PAX2: variants seen among roughly 807,000 people sequenced by gnomAD.
PAX2 encodes the protein paired box 2.
A neutral mutation model predicts 41.7 loss-of-function variants in PAX2; 9 were observed. That is an observed-to-expected ratio of 0.22 (90% CI 0.13 to 0.38). The LOEUF (loss-of-function observed/expected upper bound fraction) is 0.38. Among genes scored for constraint, PAX2 ranks in the 10% least tolerant of loss-of-function variants. PAX2 has a pLI of 1.00. For synonymous variants in PAX2, 221 were observed against 212.7 expected, an observed-to-expected ratio of 1.04 and a Z score of -0.34; for missense variants, 418 against 531.6, an observed-to-expected ratio of 0.79 and a Z score of 2.10.
At chr10:100,779,169 T>A (rs1206464790) in intron 3 of PAX2, among the ~76,000 whole-genome samples, 1 of 152,188 alleles carries the variant, frequency 6.6e-6, no homozygotes, top group Non-Finnish European at 1.5e-5. Context: ...AGGGCAGTCC[T>A]CACCCTGCAG....
At chr10:100,789,703 G>T (rs965027652) in intron 5 of PAX2, among the ~76,000 whole-genome samples, 7 of 151,752 alleles carry the variant, frequency 4.6e-5, no homozygotes, top group Non-Finnish European at 8.8e-5. Context: ...AACACAGGGG[G>T]AAAAAAAACT....
chr10:100,739,490 C>T (rs998630773), intron 1 of PAX2, among the ~76,000 whole-genome samples: 8 of 152,154 alleles, frequency 5.3e-5, no homozygotes, highest in African/African-American at 1.7e-4. Flanking sequence ...TGCCGGCTCG[C>T]AACTCTGGGA....
chr10:100,796,323 C>G (rs1847336206), intron 5 of PAX2, among the ~76,000 whole-genome samples: 1 of 152,108 alleles, frequency 6.6e-6, no homozygotes, highest in South Asian at 2.1e-4. Flanking sequence ...TCATGTCTTG[C>G]CATTTTCACC....
At position 100,738,008 on chromosome 10, in the gene PAX2, C is replaced by T. The variant is rs145883616; in HGVS notation, c.25+2275C>T. 1.2e-3 allele frequency among the ~76,000 whole-genome samples: 183 copies of T among 152,354 alleles called. 1 individual carries two copies. Among genetic ancestry groups the T allele is most frequent in the African/African-American group, 4.2e-3 (174 of 41,586 alleles). ...GTCTTCAGCTATCGCTGCCTATACCCCCAGAACTTACAAAAATAAGCCGTT... is the reference window on the plus strand; with the variant it reads ...GTCTTCAGCTATCGCTGCCTATACCTCCAGAACTTACAAAAATAAGCCGTT... On this transcript the variant is annotated intron_variant, in intron 1 of 9. Transcript: ENST00000679374.
chr10:100,814,358 A>AAG (rs1848113379), intron 7 of PAX2, among the ~76,000 whole-genome samples: 2 of 150,956 alleles, frequency 1.3e-5, no homozygotes, highest in South Asian at 4.2e-4. Context: ...TCTCAAAAAA[A>AAG]AAAAAAAAAA....
intron 3 of PAX2, among the ~76,000 whole-genome samples, chr10:100,756,395 A>G (rs1458204999): frequency 1.3e-5 from 2 of 152,218 alleles, no homozygotes; most frequent in Non-Finnish European, 2.9e-5. Flanking sequence ...TTTTTATATT[A>G]AGAAGAGAAC....
chr10:100,742,843 C>CTTTTTTTTTTTTTTTTTTTTTTTTT (rs61627823), upstream of PAX2, among the ~76,000 whole-genome samples: 4 of 41,206 alleles, frequency 9.7e-5, no homozygotes, highest in African/African-American at 1.0e-4. Flanking sequence ...TTCTTTCTTC[C>CTTTTTTTTTTTTTTTTTTTTTTTTT]TTTTTTTTTT....
At chr10:100,790,511 C>T (rs546430931) in intron 5 of PAX2, among the ~76,000 whole-genome samples, 17 of 152,244 alleles carry the variant, frequency 1.1e-4, no homozygotes, top group Non-Finnish European at 2.1e-4. Flanking sequence ...TCAGCTCTGC[C>T]CTTCTTCCCC....
intron 3 of PAX2, among the ~76,000 whole-genome samples, chr10:100,770,017 T>G (rs1846158678): frequency 1.3e-5 from 2 of 152,144 alleles, no homozygotes; most frequent in Non-Finnish European, 2.9e-5. Flanking sequence ...ATCCTATAGG[T>G]GATAGGAAGT....
At chr10:100,795,260 T>G (rs1020884261) in intron 5 of PAX2, among the ~76,000 whole-genome samples, 1 of 152,258 alleles carries the variant, frequency 6.6e-6, no homozygotes, top group African/African-American at 2.4e-5. Flanking sequence ...GCCTGCTATG[T>G]ACAAAGTATG....
At chr10:100,792,143 T>C (rs900710100) in intron 5 of PAX2, among the ~76,000 whole-genome samples, 2 of 152,256 alleles carry the variant, frequency 1.3e-5, no homozygotes, top group African/African-American at 2.4e-5. Flanking sequence ...TTTTTTTTCC[T>C]GGTAATTCAA....
At chr10:100,736,835 T>G (rs1212394839) in intron 1 of PAX2, among the ~76,000 whole-genome samples, 3 of 152,186 alleles carry the variant, frequency 2.0e-5, no homozygotes, top group African/African-American at 7.2e-5. Flanking sequence ...AGCAAACAGT[T>G]GTAATGATCT....
chr10:100,808,676 C>T (rs1847883797), intron 6 of PAX2, among the ~76,000 whole-genome samples: 1 of 152,102 alleles, frequency 6.6e-6, no homozygotes, highest in African/African-American at 2.4e-5. Context: ...GCGCCCATAC[C>T]CGATCAGCCA....
At chr10:100,780,348 C>T (rs1846567838) in intron 4 of PAX2, among the ~76,000 whole-genome samples, 1 of 152,190 alleles carries the variant, frequency 6.6e-6, no homozygotes. Context: ...CAAGGAGAAA[C>T]TTGGTGCTAC....
rs117499168 is a variant in PAX2 at position 100,827,405 on chromosome 10, C to T, written c.1109-138C>T. 4,120 of 866,814 alleles carry T rather than the reference C, an allele frequency of 4.8e-3. 107 individuals are homozygous for T. The East Asian group carries it at 0.061, about 13-fold the overall frequency. The allele number at this position is 866,814 out of a possible 1,614,324, so 53.7% of individuals were successfully genotyped here. A position where few individuals can be genotyped will look rare whatever the true frequency, so the allele number is the denominator to read the frequency against. ...AACTATTCTCCGGGGCAACTGGCTC[C>T]ACTGCCCAGCCAAGGTCTCCCAGTC... On this transcript the variant is annotated intron_variant, in intron 9 of 9. Transcript: ENST00000355243. The surrounding 1 kb of genome is among the most constrained non-coding windows in gnomAD (Gnocchi z 8.5).
intron 7 of PAX2, among the ~76,000 whole-genome samples, chr10:100,816,950 G>A (rs1015161706): frequency 7.9e-5 from 12 of 152,142 alleles, no homozygotes; most frequent in Non-Finnish European, 1.5e-4. Context: ...AAAACACTGC[G>A]CTTTTGGAAG....
Position 100,824,407 on chromosome 10 carries a change from G to A in PAX2, c.920-241G>A, listed in dbSNP as rs1369719344. Among the ~76,000 whole-genome samples, 2 of 132,092 alleles carry A rather than the reference G, an allele frequency of 1.5e-5. No individual in the cohort carries two copies. The highest frequency in any genetic ancestry group is 1.5e-4 in the Admixed American group (2 of 13,218). The allele number at this position is 132,092 out of a possible 152,430, so 86.7% of individuals were successfully genotyped here. On this transcript the variant is annotated intron_variant, in intron 7 of 9. Transcript: ENST00000355243. The surrounding 1 kb of genome is among the most constrained non-coding windows in gnomAD (Gnocchi z 6.6). ...ACACACACACACACAAATACACAGA[G>A]ACACAAAGAGCTACACAAAACAGAG... is the stretch of plus-strand genomic sequence containing the variant.
chr10:100,735,548 TGGCGGCG>T, exon 1 of PAX2: 1 of 447,118 alleles, frequency 2.2e-6, no homozygotes, highest in Non-Finnish European at 3.2e-6. Context: ...CACACAGCCG[TGGCGGCG>T]GGCGGCTCGG....
At chr10:100,809,038 C>A in intron 6 of PAX2, 72 bp from the exon 7 acceptor site, 1 of 1,455,336 alleles carries the variant, frequency 6.9e-7, no homozygotes, top group Non-Finnish European at 9.6e-7. Context: ...GTTCCTCCTC[C>A]CCATCTGCAC....
Sources: gnomAD v4.1 joint callset for allele counts (sites outside exome capture counted in the v4.1 genomes callset) on GRCh38, gnomAD v4.1.1 for gene constraint, Gnocchi (gnomAD v3.1) non-coding constraint, MANE v1.5 for transcripts, NCBI Gene and HGNC (gene_info 2026-07-23, HGNC 2026-07-21) for gene names.